The following ARHGAP6 variants were observed in gnomAD, a reference collection of about 807,000 sequenced individuals.
ARHGAP6 encodes the protein rho GTPase-activating protein 6.
ARHGAP6 carries 16 observed loss-of-function variants against 55.7 expected under a neutral mutation model. The ratio of observed to expected loss-of-function variants is 0.29; its 90% confidence interval spans 0.19 to 0.44. The LOEUF is 0.44. Ranked by LOEUF, ARHGAP6 falls within the 20% of genes least tolerant of loss-of-function variation. ARHGAP6 has a pLI of 1.00. For synonymous variants in ARHGAP6, 382 were observed against 360.9 expected, an observed-to-expected ratio of 1.06 and a Z score of -0.66; for missense variants, 698 against 808.9, an observed-to-expected ratio of 0.86 and a Z score of 1.66.
chrX:11,643,263 T>C (rs1255047545), intron 1 of ARHGAP6, among the ~76,000 whole-genome samples: 2 of 111,997 alleles, frequency 1.8e-5, no homozygotes, highest in Non-Finnish European at 3.8e-5. Context: ...AAAGGTTTGG[T>C]AAAAGTCAGA....
At chrX:11,481,334 A>G (rs1326967265) in intron 1 of ARHGAP6, among the ~76,000 whole-genome samples, 1 of 112,305 alleles carries the variant, frequency 8.9e-6, no homozygotes, top group East Asian at 2.8e-4. Context: ...ACATATAATG[A>G]CTGCAGGCCT....
intron 1 of ARHGAP6, among the ~76,000 whole-genome samples, chrX:11,483,305 C>G (rs1288645909): frequency 8.9e-6 from 1 of 111,990 alleles, no homozygotes; most frequent in East Asian, 2.8e-4. Flanking sequence ...TTGTTGTAAA[C>G]CACTCATGTT....
intron 3 of ARHGAP6, among the ~76,000 whole-genome samples, chrX:11,191,536 C>T (rs907310211): frequency 8.9e-6 from 1 of 111,826 alleles, no homozygotes; most frequent in Non-Finnish European, 1.9e-5. Flanking sequence ...ATTCAAGCAG[C>T]TATTTCTTAA....
chrX:11,661,703 C>T (rs1164116193), intron 1 of ARHGAP6, among the ~76,000 whole-genome samples: 1 of 112,208 alleles, frequency 8.9e-6, no homozygotes, highest in African/African-American at 3.2e-5. Context: ...CAGAGGGATC[C>T]TCGTGGTTTT....
chrX:11,537,481 C>A (rs1468883695), intron 1 of ARHGAP6, among the ~76,000 whole-genome samples: 1 of 112,291 alleles, frequency 8.9e-6, no homozygotes, highest in Non-Finnish European at 1.9e-5. Flanking sequence ...ACAATTGCTT[C>A]TAGTTCTTTT....
At chrX:11,460,751 C>G (rs186756788) in intron 1 of ARHGAP6, among the ~76,000 whole-genome samples, 1 of 111,786 alleles carries the variant, frequency 8.9e-6, no homozygotes, top group Non-Finnish European at 1.9e-5. Flanking sequence ...GTCCTAGGAG[C>G]TAGACTACCT....
intron 1 of ARHGAP6, among the ~76,000 whole-genome samples, chrX:11,492,271 A>G (rs1603230672): frequency 9.0e-6 from 1 of 111,233 alleles, no homozygotes; most frequent in Non-Finnish European, 1.9e-5. Context: ...TGTTTTAGAC[A>G]TGAAGTCCTT....
chrX:11,143,710 G>T, intron 11 of ARHGAP6: 1 of 1,086,811 alleles, frequency 9.2e-7, no homozygotes, highest in East Asian at 3.2e-5. Context: ...GGGAATAGGA[G>T]TGGCTCCTCT....
intron 2 of ARHGAP6, chrX:11,224,314 A>C (rs1308360928): frequency 3.5e-5 from 14 of 395,737 alleles, no homozygotes; most frequent in Non-Finnish European, 4.7e-5. Context: ...AAGATGAAGA[A>C]GAGAGAAGAA....
At chrX:11,535,610 AG>A (rs1482683745) in intron 1 of ARHGAP6, among the ~76,000 whole-genome samples, 1 of 111,514 alleles carries the variant, frequency 9.0e-6, no homozygotes, top group Non-Finnish European at 1.9e-5. Flanking sequence ...CCCTCCTTTA[AG>A]TCACCATATT....
rs1241992020 is a variant in ARHGAP6 at position 11,664,690 on chromosome X, C to T, written c.139G>A (p.Gly47Arg). The T allele has an allele frequency of 7.7e-6, 9 of 1,174,784 alleles. No individual in the cohort carries two copies. Among genetic ancestry groups the T allele is most frequent in the Non-Finnish European group, 1.0e-5 (9 of 877,849 alleles). ...SLDPALIGGC[G>R]SDEAGAEGSA... ...CCCTCCGCGCCCGCCTCGTCGCTCCCGCAGCCGCCGATCAGGGCCGGGTCC... is the reference window on the plus strand; with the variant it reads ...CCCTCCGCGCCCGCCTCGTCGCTCCTGCAGCCGCCGATCAGGGCCGGGTCC... Residue 47 changes from glycine (G) to arginine (R), a missense_variant, in exon 1 of 13, where the codon GGG becomes AGG. This residue lies in a region of ARHGAP6 where 164 missense variants were observed against 149.2 expected (regional missense o/e 1.10). Coordinates refer to ENST00000337414, the MANE Select transcript of ARHGAP6 (RefSeq NM_013427.3).
rs1319993569 is a variant in ARHGAP6 at position 11,459,508 on chromosome X, A to G, written c.588+204733T>C. Among the ~76,000 whole-genome samples the G allele has an allele frequency of 3.6e-5, 4 of 111,744 alleles. No homozygotes were observed. The Admixed American group carries it at 3.8e-4, about 11-fold the overall frequency. On this transcript the variant is annotated intron_variant, in intron 1 of 12. Coordinates refer to ENST00000337414, the MANE Select transcript of ARHGAP6 (RefSeq NM_013427.3). ...GTGGGAGTTGGGGTTGTAGAGAAATATCTGGACTATCAAGGGGCATCAGAT... is the reference window on the plus strand; with the variant it reads ...GTGGGAGTTGGGGTTGTAGAGAAATGTCTGGACTATCAAGGGGCATCAGAT...
intron 1 of ARHGAP6, among the ~76,000 whole-genome samples, chrX:11,447,648 G>T (rs946587512): frequency 9.0e-6 from 1 of 111,662 alleles, no homozygotes; most frequent in Non-Finnish European, 1.9e-5. Context: ...TAGATTCCTG[G>T]GTCTCTTCCA....
intron 1 of ARHGAP6, among the ~76,000 whole-genome samples, chrX:11,385,996 G>A (rs965127246): frequency 8.9e-6 from 1 of 112,563 alleles, no homozygotes; most frequent in Admixed American, 9.4e-5. Context: ...TACAAGTGGT[G>A]TGATGTTTCT....
intron 1 of ARHGAP6, among the ~76,000 whole-genome samples, chrX:11,577,540 A>G (rs1212188158): frequency 8.9e-6 from 1 of 112,108 alleles, no homozygotes; most frequent in Non-Finnish European, 1.9e-5. Flanking sequence ...GAAAGAAACT[A>G]CTAGAAAGAG....
chrX:11,202,638 T>A (rs1264543966), intron 2 of ARHGAP6, among the ~76,000 whole-genome samples: 13 of 107,349 alleles, frequency 1.2e-4, no homozygotes. Context: ...TGAAATCCCA[T>A]CTCTATGAAA....
rs73497042 is a variant in ARHGAP6, at chrX:11,533,915, T to A, written c.588+130326A>T. 6.4e-3 allele frequency among the ~76,000 whole-genome samples: 717 copies of A among 112,351 alleles called. 7 individuals are homozygous for A. Among genetic ancestry groups the A allele is most frequent in the African/African-American group, 0.022 (682 of 30,958 alleles). On this transcript the variant is annotated intron_variant, in intron 1 of 12. Coordinates refer to ENST00000337414, the MANE Select transcript of ARHGAP6 (RefSeq NM_013427.3). Reference sequence around the variant, plus strand: ...CCAAGTAATAGTTTCTAGACTATGATAAAGAATGTGGGCTGCATCCTGAGA... The same window carrying A: ...CCAAGTAATAGTTTCTAGACTATGAAAAAGAATGTGGGCTGCATCCTGAGA...
rs1207190058 is a variant in ARHGAP6 at position 11,318,494 on chromosome X, TATC to T, written c.589-63790_589-63788del. ...ATATTGAAATTTTCTTCTCAAAAAG[TATC>T]ATATTATTTTGCAATCTACTATATT... On this transcript the variant is annotated intron_variant, in intron 1 of 12. Transcript: ENST00000337414. 18 of 111,969 alleles carry T rather than the reference TATC, an allele frequency of 1.6e-4. No homozygotes were observed. The Admixed American group carries it at 1.7e-3, about 11-fold the overall frequency. 9.2% of individuals were successfully genotyped at this position (111,969 alleles called of 1,213,427 possible).
At chrX:11,570,480 G>A in intron 1 of ARHGAP6, among the ~76,000 whole-genome samples, 1 of 111,142 alleles carries the variant, frequency 9.0e-6, no homozygotes, top group East Asian at 2.8e-4. Flanking sequence ...ATAGTAGTGG[G>A]GGTGGTTAGA....
Sources: allele counts gnomAD v4.1 joint callset (sites outside exome capture counted in the v4.1 genomes callset), GRCh38; gene constraint gnomAD v4.1.1; regional missense constraint gnomAD v4.1.1; transcripts MANE v1.5; gene names NCBI Gene and HGNC (gene_info 2026-07-23, HGNC 2026-07-21).